Variants in COL9A1 observed in about 807,000 individuals in gnomAD.
The protein encoded by COL9A1 is collagen alpha-1(IX) chain.
In COL9A1, 104 loss-of-function variants were observed where a neutral mutation model predicts 142.6. The observed-to-expected ratio is 0.73, with a 90% CI of 0.62 to 0.86. COL9A1 has a LOEUF of 0.86. Among genes scored for constraint, COL9A1 ranks in the 40% least tolerant of loss-of-function variants. The pLI is 0.00. For synonymous variants in COL9A1, 466 were observed against 396.0 expected (o/e 1.18, Z -2.10); for missense variants, 1,210 against 1,176.6 (o/e 1.03, Z -0.42).
At chr6:70,266,865 T>C in intron 17 of COL9A1, 95 bp from the exon 18 acceptor site, 5 of 985,780 alleles carry the variant, frequency 5.1e-6, no homozygotes, top group East Asian at 2.4e-5. Flanking sequence ...TCAGTGCCAA[T>C]GTATTACTAA....
intron 5 of COL9A1, among the ~76,000 whole-genome samples, chr6:70,293,394 A>T (rs2127604386): frequency 6.6e-6 from 1 of 152,286 alleles, no homozygotes; most frequent in Non-Finnish European, 1.5e-5. Flanking sequence ...TGGCACAATT[A>T]TTGTGTCAAC....
intron 19 of COL9A1, 80 bp downstream of exon 19, chr6:70,263,164 A>G: frequency 8.5e-7 from 1 of 1,180,348 alleles, no homozygotes; most frequent in Non-Finnish European, 1.2e-6. Context: ...TCCAACTGCT[A>G]AATAGAAAAT....
intron 35 of COL9A1, among the ~76,000 whole-genome samples, chr6:70,233,646 G>A (rs1441292602): frequency 6.6e-6 from 1 of 152,144 alleles, no homozygotes; most frequent in African/African-American, 2.4e-5. Flanking sequence ...AGTTTGCATG[G>A]AATAATAATT....
intron 16 of COL9A1, among the ~76,000 whole-genome samples, chr6:70,269,146 C>A (rs1293974914): frequency 1.3e-5 from 2 of 152,092 alleles, no homozygotes; most frequent in African/African-American, 4.8e-5. Flanking sequence ...AAATTTATTT[C>A]AAATCTAATT....
At chr6:70,253,326 C>A (rs942585377) in intron 26 of COL9A1, 59 bp downstream of exon 26, 6 of 1,111,996 alleles carry the variant, frequency 5.4e-6, no homozygotes, top group Non-Finnish European at 6.7e-6. Context: ...ATTACAAATA[C>A]GTTAGTAAAT....
intron 12 of COL9A1, among the ~76,000 whole-genome samples, chr6:70,272,616 A>G (rs1378684596): frequency 6.6e-6 from 1 of 152,186 alleles, no homozygotes. Flanking sequence ...AATCCAGTAG[A>G]TATTGAAAAT....
chr6:70,300,132 A>G lies in COL9A1; in HGVS notation c.210T>C (p.Ser70=), dbSNP rs774384159. The change falls in exon 4 of 38, where the codon TCT becomes TCC. Residue 70 remains serine, a synonymous_variant. Coordinates refer to ENST00000357250, the MANE Select transcript of COL9A1 (RefSeq NM_001851.6). ...ISQFQVDKAA[S]RRAIQRVVGS... The stretch of plus-strand genomic sequence containing the variant: ...CCACTACTCTCTGGATAGCTCTTCT[A>G]GATGCTGCTTTATCTACCTGGAACT... 2.5e-6 allele frequency: 4 copies of G among 1,613,832 alleles called. No individual in the cohort carries two copies. The African/African-American group carries it at 5.3e-5, about 22-fold the overall frequency.
At chr6:70,251,869 C>G (rs550178397) in intron 28 of COL9A1, among the ~76,000 whole-genome samples, 1 of 152,144 alleles carries the variant, frequency 6.6e-6, no homozygotes, top group Non-Finnish European at 1.5e-5. Context: ...TTAAATCACA[C>G]TAAAATATTT....
In COL9A1 at chr6:70,216,713, C is replaced by G; in HGVS notation, c.*184G>C. On this transcript the variant is annotated 3_prime_UTR_variant, in exon 38 of 38. Coordinates refer to ENST00000357250, the MANE Select transcript of COL9A1 (RefSeq NM_001851.6). Reference sequence around the variant, plus strand: ...TCCCTCCAAGGGAAAGGAAAGAGAACTTACTGAATAGCACCGTTCTTCTAT... The same window carrying G: ...TCCCTCCAAGGGAAAGGAAAGAGAAGTTACTGAATAGCACCGTTCTTCTAT... 1.5e-6 allele frequency: 1 copy of G among 652,574 alleles called. No homozygotes were observed. Among genetic ancestry groups the G allele is most frequent in the East Asian group, 2.9e-5 (1 of 34,986 alleles). The allele number at this position is 652,574 out of a possible 1,614,324, so 40.4% of individuals were successfully genotyped here. A position where few individuals can be genotyped will look rare whatever the true frequency, so the allele number is the denominator to read the frequency against.
At chr6:70,267,902 T>C (rs1772132555) in intron 17 of COL9A1, among the ~76,000 whole-genome samples, 1 of 152,172 alleles carries the variant, frequency 6.6e-6, no homozygotes, top group African/African-American at 2.4e-5. Flanking sequence ...AAAACTCTAA[T>C]GGAAAATCAG....
intron 36 of COL9A1, among the ~76,000 whole-genome samples, chr6:70,229,159 C>A (rs2127555120): frequency 6.6e-6 from 1 of 152,252 alleles, no homozygotes; most frequent in African/African-American, 2.4e-5. Context: ...CAGAGAAAAA[C>A]AAGTTTTAAG....
intron 7 of COL9A1, 45 bp from the exon 8 acceptor site, chr6:70,281,509 C>A (rs1267648930): frequency 2.0e-6 from 3 of 1,519,294 alleles, no homozygotes; most frequent in Admixed American, 1.8e-5. Context: ...CATCGGGCAA[C>A]AGGGAGCAAC....
chr6:70,263,223 A>G, intron 19 of COL9A1, 21 bp downstream of exon 19: 1 of 1,568,330 alleles, frequency 6.4e-7, no homozygotes, highest in Non-Finnish European at 8.7e-7. Flanking sequence ...CTAGTTAAAT[A>G]TTTTTTAAAA....
rs191406921 is a variant in COL9A1 at position 70,216,532 on chromosome 6, C to G, written c.*365G>C. The G allele has an allele frequency of 1.3e-4, 32 of 240,700 alleles. No homozygotes were observed. In the Admixed American group the frequency reaches 1.6e-3, roughly 12 times the overall value. The allele number at this position is 240,700 out of a possible 1,614,324, so 14.9% of individuals were successfully genotyped here. ...AAATAACTACTGCAACTGAGGTAAA[C>G]CAAACAGTTGTTTTTGTTTATTGGC... On this transcript the variant is annotated 3_prime_UTR_variant, in exon 38 of 38. Coordinates refer to ENST00000357250, the MANE Select transcript of COL9A1 (RefSeq NM_001851.6).
chr6:70,266,624 G>A, intron 18 of COL9A1, 93 bp downstream of exon 18: 2 of 1,004,310 alleles, frequency 2.0e-6, no homozygotes, highest in Non-Finnish European at 3.2e-6. Context: ...AAATATCGAG[G>A]TTCATTATTT....
At chr6:70,238,772 T>C (rs143722780) in intron 33 of COL9A1, among the ~76,000 whole-genome samples, 7 of 152,334 alleles carry the variant, frequency 4.6e-5, no homozygotes, top group Non-Finnish European at 5.9e-5. Context: ...TGGTGAGGTA[T>C]TTTTCTATTG....
chr6:70,236,452 C>T (rs928108919), intron 33 of COL9A1, among the ~76,000 whole-genome samples: 7 of 152,056 alleles, frequency 4.6e-5, no homozygotes, highest in South Asian at 2.1e-4. Context: ...TAAAAGAACA[C>T]GAGGCAGCAA....
chr6:70,270,720 G>T (rs1004874156), intron 14 of COL9A1, among the ~76,000 whole-genome samples: 1 of 152,152 alleles, frequency 6.6e-6, no homozygotes, highest in Non-Finnish European at 1.5e-5. Context: ...AACCTATACT[G>T]CTAGTGCCAT....
intron 28 of COL9A1, among the ~76,000 whole-genome samples, chr6:70,251,152 A>G (rs77069567): frequency 2.4e-3 from 360 of 152,374 alleles, no homozygotes; most frequent in African/African-American, 8.3e-3. Context: ...ACAATTAAAT[A>G]TATTCAAGAA....
Sources: allele counts gnomAD v4.1 joint callset (sites outside exome capture counted in the v4.1 genomes callset), GRCh38; gene constraint gnomAD v4.1.1; transcripts MANE v1.5; gene names NCBI Gene and HGNC (gene_info 2026-07-23, HGNC 2026-07-21).